PALLD: variants seen among roughly 807,000 people sequenced by gnomAD.
PALLD encodes palladin.
In PALLD, 61 loss-of-function variants were observed where a neutral mutation model predicts 123.5. The ratio of observed to expected loss-of-function variants is 0.49; its 90% CI spans 0.40 to 0.61. The LOEUF (loss-of-function observed/expected upper bound fraction) is 0.61. PALLD is among the 20% of genes least tolerant of loss of function. The pLI, the probability that PALLD is intolerant of heterozygous loss-of-function variation, is 0.00. For missense variants in PALLD, 1,273 were observed against 1,377.0 expected (o/e 0.92, Z 1.20); for synonymous variants, 465 against 496.4 (o/e 0.94, Z 0.84).
intron 10 of PALLD, among the ~76,000 whole-genome samples, chr4:168,777,368 A>G (rs1735311688): frequency 6.6e-6 from 1 of 152,228 alleles, no homozygotes; most frequent in Non-Finnish European, 1.5e-5. Context: ...GTCTTGACAC[A>G]GGACTTCCTG....
At chr4:168,579,965 T>C (rs1317700717) in intron 2 of PALLD, among the ~76,000 whole-genome samples, 1 of 152,066 alleles carries the variant, frequency 6.6e-6, no homozygotes, top group African/African-American at 2.4e-5. Flanking sequence ...ATCACCATAT[T>C]GTCCATTAAA....
intron 10 of PALLD, among the ~76,000 whole-genome samples, chr4:168,759,397 T>C (rs1442324556): frequency 1.3e-5 from 2 of 151,572 alleles, no homozygotes; most frequent in Non-Finnish European, 2.9e-5. Context: ...TTATAAAATA[T>C]GAATTCAACT....
chr4:168,716,511 G>A (rs562624293), intron 10 of PALLD, among the ~76,000 whole-genome samples: 3 of 152,234 alleles, frequency 2.0e-5, no homozygotes, highest in African/African-American at 4.8e-5. Flanking sequence ...AGAGTAAAAC[G>A]ATTTCAGGCT....
At chr4:168,538,570 C>T (rs577333592) in intron 2 of PALLD, among the ~76,000 whole-genome samples, 18 of 152,214 alleles carry the variant, frequency 1.2e-4, no homozygotes, top group African/African-American at 4.1e-4. Flanking sequence ...TATACCTGCG[C>T]TCATTCTGTG....
At chr4:168,665,856 A>T (rs1204011093) in intron 2 of PALLD, among the ~76,000 whole-genome samples, 1 of 152,184 alleles carries the variant, frequency 6.6e-6, no homozygotes, top group African/African-American at 2.4e-5. Context: ...CAGATACTAC[A>T]TAATTGGGGC....
intron 9 of PALLD, among the ~76,000 whole-genome samples, chr4:168,709,471 C>G (rs923298456): frequency 1.4e-5 from 2 of 146,070 alleles, no homozygotes; most frequent in African/African-American, 2.5e-5. Context: ...GATCATCCCA[C>G]TGCACTCCAG....
chr4:168,889,896 A>G (rs559463352), intron 10 of PALLD, among the ~76,000 whole-genome samples: 27 of 152,332 alleles, frequency 1.8e-4, no homozygotes, highest in Middle Eastern at 3.4e-3. Context: ...CCACTGCTGT[A>G]GCAGGGGGCT....
At chr4:168,846,886 C>T (rs569447555) in intron 10 of PALLD, among the ~76,000 whole-genome samples, 4 of 152,226 alleles carry the variant, frequency 2.6e-5, no homozygotes, top group South Asian at 2.1e-4. Flanking sequence ...AATTCGCTTA[C>T]GGTTAGCAAT....
chr4:168,504,957 C>T (rs954365590), intron 1 of PALLD: 1 of 152,146 alleles, frequency 6.6e-6, no homozygotes, highest in African/African-American at 2.4e-5. Context: ...CATAGAATTA[C>T]CAAGAGCACT....
intron 2 of PALLD, among the ~76,000 whole-genome samples, chr4:168,587,323 G>C (rs1580443571): frequency 6.6e-6 from 1 of 152,182 alleles, no homozygotes; most frequent in Admixed American, 6.5e-5. Context: ...TTGACCAAAT[G>C]CCACCTAAAA....
chr4:168,856,166 G>T (rs911896783), intron 10 of PALLD, among the ~76,000 whole-genome samples: 2 of 152,172 alleles, frequency 1.3e-5, no homozygotes, highest in Non-Finnish European at 2.9e-5. Flanking sequence ...TGCTACAAAG[G>T]ACATGATTTT....
At chr4:168,658,536 C>G (rs1393964795) in intron 2 of PALLD, among the ~76,000 whole-genome samples, 1 of 151,922 alleles carries the variant, frequency 6.6e-6, no homozygotes, top group Non-Finnish European at 1.5e-5. Flanking sequence ...ATCCTTCCAC[C>G]TTGGCCTCCT....
At chr4:168,659,311 G>A (rs1355453459) in intron 2 of PALLD, among the ~76,000 whole-genome samples, 1 of 152,116 alleles carries the variant, frequency 6.6e-6, no homozygotes, top group Non-Finnish European at 1.5e-5. Flanking sequence ...TATCTCTCTG[G>A]GGTTTTTTCC....
At chr4:168,674,663 T>A (rs1362078326) in intron 3 of PALLD, among the ~76,000 whole-genome samples, 1 of 152,076 alleles carries the variant, frequency 6.6e-6, no homozygotes, top group African/African-American at 2.4e-5. Flanking sequence ...TTGTCAGCGA[T>A]TTTAGCAAGA....
At chr4:168,666,753 A>G (rs746732856) in intron 2 of PALLD, among the ~76,000 whole-genome samples, 5 of 152,220 alleles carry the variant, frequency 3.3e-5, no homozygotes, top group Non-Finnish European at 7.3e-5. Context: ...AAGAATTTAT[A>G]GTCTGCTGGT....
chr4:168,794,506 G>GCACACACACA (rs57496563), intron 10 of PALLD, among the ~76,000 whole-genome samples: 30 of 143,950 alleles, frequency 2.1e-4, no homozygotes, highest in South Asian at 6.8e-4. Flanking sequence ...ACACACACAC[G>GCACACACACA]CACACACACA....
intron 10 of PALLD, among the ~76,000 whole-genome samples, chr4:168,860,227 G>A (rs747958456): frequency 6.6e-6 from 1 of 152,154 alleles, no homozygotes; most frequent in African/African-American, 2.4e-5. Context: ...ACAGTAATAA[G>A]GGCCAATCCC....
chr4:168,607,873 C>T (rs1281658697), intron 2 of PALLD, among the ~76,000 whole-genome samples: 1 of 152,046 alleles, frequency 6.6e-6, no homozygotes, highest in Non-Finnish European at 1.5e-5. Flanking sequence ...GTTCAGAAAC[C>T]AGGCCTCAGA....
intron 2 of PALLD, among the ~76,000 whole-genome samples, chr4:168,577,237 T>G (rs779840231): frequency 1.2e-4 from 18 of 152,062 alleles, no homozygotes; most frequent in Non-Finnish European, 2.2e-4. Context: ...AGTGTATGAG[T>G]GGTTGAAGTA....
Sources: gnomAD v4.1 joint callset for allele counts (sites outside exome capture counted in the v4.1 genomes callset) on GRCh38, gnomAD v4.1.1 for gene constraint, MANE v1.5 for transcripts, NCBI Gene and HGNC (gene_info 2026-07-23, HGNC 2026-07-21) for gene names.